Variants in SHISA9 observed in about 807,000 individuals in gnomAD.
The protein encoded by SHISA9 is shisa family member 9.
In SHISA9, 13 loss-of-function variants were observed where a neutral mutation model predicts 38.0. The ratio of observed to expected loss-of-function variants is 0.34; its 90% CI spans 0.22 to 0.54. SHISA9 has a LOEUF of 0.54. SHISA9 is among the 20% of genes least tolerant of loss of function. The probability of loss-of-function intolerance (pLI) is 0.91; values close to 1 mark genes in which losing one functional copy is unlikely to be tolerated. For missense variants in SHISA9, 538 were observed against 575.8 expected, an observed-to-expected ratio of 0.93 and a Z score of 0.67; for synonymous variants, 275 against 242.0, an observed-to-expected ratio of 1.14 and a Z score of -1.27.
downstream of SHISA9, among the ~76,000 whole-genome samples, chr16:13,243,750 A>G (rs1050789979): frequency 2.7e-5 from 2 of 72,834 alleles, no homozygotes; most frequent in African/African-American, 1.0e-4. Flanking sequence ...TTAGAATTTT[A>G]TTTTTGGTTT....
At chr16:13,191,692 A>G (rs2050887127) in intron 2 of SHISA9, among the ~76,000 whole-genome samples, 1 of 152,292 alleles carries the variant, frequency 6.6e-6, no homozygotes, top group Admixed American at 6.5e-5. Flanking sequence ...TTATTTCATT[A>G]TGTTGTCCTG....
At chr16:13,533,886 C>G in the SHISA9 span, among the ~76,000 whole-genome samples, 3 of 150,728 alleles carry the variant, frequency 2.0e-5, no homozygotes, top group African/African-American at 7.3e-5. Flanking sequence ...CAGGTTCACA[C>G]CATTCTCCTG....
At chr16:13,234,942 A>T in intron 4 of SHISA9, 88 bp from the exon 5 acceptor site, 1 of 1,428,136 alleles carries the variant, frequency 7.0e-7, no homozygotes. Context: ...TCTTGGGTTG[A>T]CATGCCAGTC....
chr16:13,420,245 CAAAAAAAAAAAA>C, the SHISA9 span, among the ~76,000 whole-genome samples: 24 of 50,408 alleles, frequency 4.8e-4, no homozygotes, highest in Admixed American at 2.0e-3. Context: ...GAATCTGTTT[CAAAAAAAAAAAA>C]AAAAAAAAAA....
chr16:13,319,218 A>G, the SHISA9 span, among the ~76,000 whole-genome samples: 1 of 152,188 alleles, frequency 6.6e-6, no homozygotes, highest in Non-Finnish European at 1.5e-5. Flanking sequence ...CGTATTGGCC[A>G]GGCTGGTCTC....
At chr16:12,960,673 A>G (rs1291801904) in intron 2 of SHISA9, among the ~76,000 whole-genome samples, 1 of 152,124 alleles carries the variant, frequency 6.6e-6, no homozygotes, top group African/African-American at 2.4e-5. Context: ...GGAACAGAAA[A>G]CCGCACATCA....
chr16:13,429,502 G>C, the SHISA9 span, among the ~76,000 whole-genome samples: 1 of 152,082 alleles, frequency 6.6e-6, no homozygotes, highest in Non-Finnish European at 1.5e-5. Flanking sequence ...TTGCATGTCT[G>C]TCCCTATGTC....
chr16:13,353,108 G>A, the SHISA9 span, among the ~76,000 whole-genome samples: 1 of 152,164 alleles, frequency 6.6e-6, no homozygotes, highest in African/African-American at 2.4e-5. Context: ...AGAGAGAATG[G>A]ACGATGTTTC....
intron 2 of SHISA9, among the ~76,000 whole-genome samples, chr16:13,120,646 A>AT (rs1555463377): frequency 6.6e-6 from 1 of 152,214 alleles, no homozygotes; most frequent in Non-Finnish European, 1.5e-5. Flanking sequence ...AGAGAGAGAA[A>AT]TAGCCCTGGA....
At chr16:13,536,122 C>A in the SHISA9 span, among the ~76,000 whole-genome samples, 1 of 152,098 alleles carries the variant, frequency 6.6e-6, no homozygotes, top group Non-Finnish European at 1.5e-5. Context: ...CCTCAGCCTC[C>A]CAAGTAGCTG....
chr16:13,104,112 C>T (rs145478013), intron 2 of SHISA9, among the ~76,000 whole-genome samples: 599 of 152,260 alleles, frequency 3.9e-3, no homozygotes, highest in Non-Finnish European at 6.6e-3. Context: ...TTGCTTTCTT[C>T]TTCATCCCCA....
chr16:13,119,444 G>GTCACAT (rs2074063718), intron 2 of SHISA9, among the ~76,000 whole-genome samples: 1 of 152,070 alleles, frequency 6.6e-6, no homozygotes, highest in African/African-American at 2.4e-5. Context: ...GATTGTTTAT[G>GTCACAT]TCACATTTCC....
At chr16:13,405,067 T>G in the SHISA9 span, among the ~76,000 whole-genome samples, 2 of 152,172 alleles carry the variant, frequency 1.3e-5, no homozygotes, top group Non-Finnish European at 2.9e-5. Context: ...TACCCTGTCA[T>G]GGAGAAGACA....
the SHISA9 span, among the ~76,000 whole-genome samples, chr16:13,338,913 G>A: frequency 6.6e-6 from 1 of 152,174 alleles, no homozygotes; most frequent in African/African-American, 2.4e-5. Flanking sequence ...AATTTAATAG[G>A]TGGGAAAACT....
At chr16:13,092,108 G>C (rs2073781023) in intron 2 of SHISA9, among the ~76,000 whole-genome samples, 1 of 152,202 alleles carries the variant, frequency 6.6e-6, no homozygotes. Flanking sequence ...TCCAGACCCT[G>C]TTTGCCTGGG....
At chr16:13,256,125 T>C in the SHISA9 span, among the ~76,000 whole-genome samples, 1 of 152,330 alleles carries the variant, frequency 6.6e-6, no homozygotes, top group African/African-American at 2.4e-5. Flanking sequence ...CTGTTTCCTC[T>C]GCCAGAATAA....
the SHISA9 span, among the ~76,000 whole-genome samples, chr16:13,393,356 T>G: frequency 1.3e-5 from 2 of 152,252 alleles, no homozygotes; most frequent in East Asian, 3.8e-4. Flanking sequence ...CCCAAAATTG[T>G]GTGGCCATTC....
chr16:13,478,310 C>A, the SHISA9 span, among the ~76,000 whole-genome samples: 2 of 152,052 alleles, frequency 1.3e-5, no homozygotes, highest in Admixed American at 1.3e-4. Context: ...TTTTGGGCTT[C>A]TTTATGGAAT....
the SHISA9 span, among the ~76,000 whole-genome samples, chr16:13,293,378 T>A: frequency 6.6e-6 from 1 of 152,188 alleles, no homozygotes; most frequent in African/African-American, 2.4e-5. Context: ...TGTTGTACCA[T>A]CTGCAAAGCT....
Sources: gnomAD v4.1 joint callset for allele counts (sites outside exome capture counted in the v4.1 genomes callset) on GRCh38, gnomAD v4.1.1 for gene constraint, MANE v1.5 for transcripts, NCBI Gene and HGNC (gene_info 2026-07-23, HGNC 2026-07-21) for gene names.